The following FOXN3 variants were observed in gnomAD, a reference collection of about 807,000 sequenced individuals.
FOXN3 encodes the protein forkhead box N3.
In FOXN3, 7 loss-of-function variants were observed where a neutral mutation model predicts 38.4. The ratio of observed to expected loss-of-function variants is 0.18; its 90% CI spans 0.10 to 0.34. The LOEUF is 0.34. Among genes scored for constraint, FOXN3 ranks in the 10% least tolerant of loss-of-function variants. The pLI is 1.00. For missense variants in FOXN3, 456 were observed against 613.4 expected (o/e 0.74, Z 2.71); for synonymous variants, 230 against 242.2 (o/e 0.95, Z 0.47).
intron 1 of FOXN3, among the ~76,000 whole-genome samples, chr14:89,606,559 T>A (rs1366852586): frequency 6.6e-6 from 1 of 152,086 alleles, no homozygotes; most frequent in Non-Finnish European, 1.5e-5. Context: ...AGTATAAAAA[T>A]AAAACTGTAG....
chr14:89,193,137 A>C (rs17125475), intron 4 of FOXN3, among the ~76,000 whole-genome samples: 13,744 of 152,098 alleles, frequency 0.09, 1,601 homozygotes, highest in African/African-American at 0.27. Context: ...ATTGAGAACG[A>C]AAGTGCTACA....
rs1310136168 is a variant in FOXN3, at chr14:89,157,013, A to G, written c.*5401T>C. 6 of 152,684 alleles carry G rather than the reference A, an allele frequency of 3.9e-5. No homozygotes were observed. The highest frequency in any genetic ancestry group is 1.4e-4 in the African/African-American group (6 of 41,468). 9.5% of individuals were successfully genotyped at this position (152,684 alleles called of 1,614,324 possible). A position where few individuals can be genotyped will look rare whatever the true frequency, so the allele number is the denominator to read the frequency against. On this transcript the variant is annotated 3_prime_UTR_variant, in exon 6 of 6. Transcript: ENST00000557258. ...GAAGTCTTTGAGAATCCAATATGGA[A>G]TATCAATTATTTTGCAAAAGGTAGA...
At chr14:89,304,722 C>A (rs982356417) in intron 3 of FOXN3, among the ~76,000 whole-genome samples, 1 of 151,964 alleles carries the variant, frequency 6.6e-6, no homozygotes, top group African/African-American at 2.4e-5. Flanking sequence ...GGCATTCAAC[C>A]CGGCTGCTCC....
intron 1 of FOXN3, among the ~76,000 whole-genome samples, chr14:89,488,626 A>C (rs543086858): frequency 4.7e-5 from 7 of 149,290 alleles, no homozygotes; most frequent in African/African-American, 1.7e-4. Flanking sequence ...CCCCATCTCA[A>C]AAAAAAAAAA....
chr14:89,430,350 T>C (rs1892129120), intron 1 of FOXN3, among the ~76,000 whole-genome samples: 1 of 152,242 alleles, frequency 6.6e-6, no homozygotes, highest in Non-Finnish European at 1.5e-5. Flanking sequence ...TTGAAGGATT[T>C]TCCTTCAAAC....
intron 1 of FOXN3, among the ~76,000 whole-genome samples, chr14:89,564,255 CA>C: frequency 6.6e-6 from 1 of 152,046 alleles, no homozygotes; most frequent in East Asian, 1.9e-4. Context: ...TAGAATAATC[CA>C]AATTATAATT....
rs574666096 is a variant in FOXN3 at position 89,552,627 on chromosome 14, G to C, written c.-15+66401C>G. On this transcript the variant is annotated intron_variant, in intron 1 of 6. Transcript: ENST00000345097. ...TAATCCCAACACTTTGGGAGGCCGA[G>C]GCAGGCAGATCACCTGAGGTTGGGA... 2.0e-5 allele frequency among the ~76,000 whole-genome samples: 3 copies of C among 152,320 alleles called. No homozygotes were observed. The East Asian group carries it at 5.8e-4, about 29-fold the overall frequency.
At chr14:89,319,179 A>C (rs902909575) in intron 3 of FOXN3, among the ~76,000 whole-genome samples, 1 of 152,226 alleles carries the variant, frequency 6.6e-6, no homozygotes, top group African/African-American at 2.4e-5. Flanking sequence ...TTCAAGAGGC[A>C]GAACAGCTTT....
intron 2 of FOXN3, among the ~76,000 whole-genome samples, chr14:89,374,817 A>C (rs563301866): frequency 4.5e-4 from 67 of 148,256 alleles, no homozygotes; most frequent in African/African-American, 1.5e-3. Flanking sequence ...TATAAATACA[A>C]AAAAAAAAAA....
chr14:89,287,749 TAAAAAAAAAAAAA>T (rs58930677), intron 3 of FOXN3, among the ~76,000 whole-genome samples: 1 of 129,704 alleles, frequency 7.7e-6, no homozygotes, highest in Non-Finnish European at 1.6e-5. Context: ...TAAAGAATGC[TAAAAAAAAAAAAA>T]AAAAAAAAAA....
intron 3 of FOXN3, among the ~76,000 whole-genome samples, chr14:89,287,196 C>CA (rs1886655269): frequency 6.6e-6 from 1 of 152,102 alleles, no homozygotes; most frequent in African/African-American, 2.4e-5. Context: ...CTCTGTCGTT[C>CA]AGACTGGAGT....
At chr14:89,353,266 G>T (rs373535742) in intron 2 of FOXN3, 1 of 152,080 alleles carries the variant, frequency 6.6e-6, no homozygotes, top group Non-Finnish European at 1.5e-5. Context: ...CTTCAGTAGC[G>T]GCCCTACCTA....
At chr14:89,323,301 A>AGAAAGAAAG (rs113302027) in intron 3 of FOXN3, among the ~76,000 whole-genome samples, 7 of 142,978 alleles carry the variant, frequency 4.9e-5, no homozygotes, top group African/African-American at 1.8e-4. Context: ...AAAAAAAAAA[A>AGAAAGAAAG]AAAGAAAGAA....
chr14:89,370,742 T>G (rs144467913), intron 2 of FOXN3, among the ~76,000 whole-genome samples: 92 of 152,336 alleles, frequency 6.0e-4, no homozygotes, highest in African/African-American at 2.1e-3. Context: ...CTGGATTTGT[T>G]TGGCAAAACA....
intron 1 of FOXN3, among the ~76,000 whole-genome samples, chr14:89,464,627 A>G (rs1475230689): frequency 6.6e-6 from 1 of 152,088 alleles, no homozygotes; most frequent in East Asian, 1.9e-4. Flanking sequence ...CCCATGTGTC[A>G]CGGGAGGGAC....
rs577718837 is a variant in FOXN3 at position 89,281,947 on chromosome 14, G to C, written c.681-933C>G. ...TATGAGAAAAATAGGTTCGAGTAAT[G>C]CATTTGTAAGTTTGGCAGAAACACA... On this transcript the variant is annotated intron_variant, in intron 3 of 5. Transcript: ENST00000557258. Among the ~76,000 whole-genome samples the C allele has an allele frequency of 3.9e-5, 6 of 152,282 alleles. No homozygotes were observed. In the East Asian group the frequency reaches 9.6e-4, roughly 24 times the overall value.
intron 5 of FOXN3, among the ~76,000 whole-genome samples, chr14:89,174,754 A>G (rs1243722600): frequency 3.9e-5 from 6 of 152,188 alleles, no homozygotes; most frequent in Non-Finnish European, 8.8e-5. Flanking sequence ...CCAGGAGGGA[A>G]TTCAGTGCAT....
intron 4 of FOXN3, among the ~76,000 whole-genome samples, chr14:89,252,167 C>G (rs1384928214): frequency 6.6e-6 from 1 of 152,180 alleles, no homozygotes. Flanking sequence ...GATTAAGTAA[C>G]TTGACAAAGG....
intron 1 of FOXN3, among the ~76,000 whole-genome samples, chr14:89,507,145 AAAG>A (rs1286103947): frequency 2.0e-5 from 3 of 152,082 alleles, no homozygotes; most frequent in Admixed American, 2.0e-4. Context: ...AAAAAAAAAA[AAAG>A]AAACACTGTC....
Sources: allele counts gnomAD v4.1 joint callset (sites outside exome capture counted in the v4.1 genomes callset), GRCh38; gene constraint gnomAD v4.1.1; transcripts MANE v1.5; gene names NCBI Gene and HGNC (gene_info 2026-07-23, HGNC 2026-07-21).